Variants in AGBL4 observed in about 807,000 individuals in gnomAD.
AGBL4 encodes the protein cytosolic carboxypeptidase 6.
AGBL4 carries 58 observed loss-of-function variants against 66.4 expected under a neutral mutation model. The observed-to-expected ratio is 0.87, with a 90% CI of 0.71 to 1.09. The LOEUF (loss-of-function observed/expected upper bound fraction) is 1.09, where lower values mean the gene tolerates loss of function less well. AGBL4 is among the 50% of genes least tolerant of loss of function. AGBL4 has a pLI of 0.00. For synonymous variants in AGBL4, 234 were observed against 222.9 expected (o/e 1.05, Z -0.44); for missense variants, 579 against 631.0 (o/e 0.92, Z 0.88).
intron 3 of AGBL4, among the ~76,000 whole-genome samples, chr1:49,275,022 G>A (rs866190704): frequency 3.3e-5 from 5 of 152,170 alleles, no homozygotes; most frequent in African/African-American, 1.2e-4. Context: ...AAAATTATTT[G>A]TGAGTATTCT....
At chr1:48,547,626 G>A (rs1036791196) in intron 11 of AGBL4, among the ~76,000 whole-genome samples, 1 of 152,192 alleles carries the variant, frequency 6.6e-6, no homozygotes, top group Non-Finnish European at 1.5e-5. Context: ...AATTGTTTCT[G>A]AATTTTCAGC....
intron 5 of AGBL4, among the ~76,000 whole-genome samples, chr1:48,951,857 G>T (rs1240689291): frequency 6.6e-6 from 1 of 152,224 alleles, no homozygotes; most frequent in Non-Finnish European, 1.5e-5. Context: ...CTAACAGGAA[G>T]TGTTGAGGAG....
chr1:48,688,151 G>A (rs550096622), intron 6 of AGBL4, among the ~76,000 whole-genome samples: 10 of 152,196 alleles, frequency 6.6e-5, no homozygotes, highest in Non-Finnish European at 1.5e-4. Context: ...GAGGGAGGAA[G>A]AGAAGGAAGG....
chr1:49,938,417 A>T (rs967228459), intron 1 of AGBL4, among the ~76,000 whole-genome samples: 5 of 152,208 alleles, frequency 3.3e-5, no homozygotes, highest in African/African-American at 1.2e-4. Flanking sequence ...TACCAGAGGT[A>T]CAAGGAGGAA....
At position 48,782,419 on chromosome 1, in the gene AGBL4, A is replaced by G. The variant is rs988330311; in HGVS notation, c.634+84772T>C. On this transcript the variant is annotated intron_variant, in intron 6 of 13. Transcript: ENST00000371839. ...TGGGACTTATGTTTCATATTACTAC[A>G]TGGAATTCTCAATGTAGTTTGCAAA... is the stretch of plus-strand genomic sequence containing the variant. Among the ~76,000 whole-genome samples the G allele has an allele frequency of 1.3e-5, 2 of 152,174 alleles. 1 individual carries two copies. The highest frequency in any genetic ancestry group is 4.8e-5 in the African/African-American group (2 of 41,418).
intron 10 of AGBL4, 34 bp downstream of exon 10, chr1:48,590,799 G>A (rs1467873146): frequency 1.8e-5 from 28 of 1,568,206 alleles, no homozygotes; most frequent in Non-Finnish European, 2.4e-5. Context: ...GGTGTGGGGG[G>A]CTGGGGCTGG....
At chr1:49,649,915 G>A (rs1645967895) in intron 3 of AGBL4, among the ~76,000 whole-genome samples, 1 of 151,994 alleles carries the variant, frequency 6.6e-6, no homozygotes, top group Non-Finnish European at 1.5e-5. Context: ...AATATCAAGA[G>A]AATATAAGAA....
At chr1:49,782,151 CAAGA>C (rs1335249907) in intron 2 of AGBL4, among the ~76,000 whole-genome samples, 2 of 151,326 alleles carry the variant, frequency 1.3e-5, no homozygotes, top group Admixed American at 6.6e-5. Flanking sequence ...GCTAGAAAAA[CAAGA>C]AAGAAAGTCA....
intron 6 of AGBL4, among the ~76,000 whole-genome samples, chr1:48,682,019 G>T (rs1646463110): frequency 6.6e-6 from 1 of 152,214 alleles, no homozygotes; most frequent in Non-Finnish European, 1.5e-5. Flanking sequence ...AGGTCATGAG[G>T]CTGGGTCCTA....
At chr1:49,032,126 G>A (rs190801401) in intron 5 of AGBL4, among the ~76,000 whole-genome samples, 2 of 152,172 alleles carry the variant, frequency 1.3e-5, no homozygotes, top group Non-Finnish European at 1.5e-5. Flanking sequence ...ACTGTAAGAA[G>A]GCCAGTGTGG....
At position 48,944,079 on chromosome 1, in the gene AGBL4, G is replaced by A. The variant is rs188668791; in HGVS notation, c.595-76849C>T. 1.1e-3 allele frequency among the ~76,000 whole-genome samples: 171 copies of A among 152,276 alleles called. 1 individual carries two copies. Among genetic ancestry groups the A allele is most frequent in the Middle Eastern group, 6.8e-3 (2 of 294 alleles). On this transcript the variant is annotated intron_variant, in intron 5 of 13. Coordinates refer to ENST00000371839, the MANE Select transcript of AGBL4 (RefSeq NM_032785.4). ...TGTGATAGTCACTGACGAGACAAAA[G>A]TGAATAAGGCACTGGCCTGCCTCAT... is the stretch of plus-strand genomic sequence containing the variant.
chr1:48,740,662 T>G (rs1340836062), intron 6 of AGBL4, among the ~76,000 whole-genome samples: 2 of 152,194 alleles, frequency 1.3e-5, no homozygotes, highest in Non-Finnish European at 2.9e-5. Flanking sequence ...GTGAAAAGTT[T>G]TATAGGACAA....
intron 1 of AGBL4, among the ~76,000 whole-genome samples, chr1:49,904,885 G>A (rs1412386157): frequency 2.0e-5 from 3 of 152,150 alleles, no homozygotes; most frequent in Admixed American, 2.0e-4. Context: ...AAGAGATGAT[G>A]AAATTACAGC....
chr1:49,727,238 G>C (rs973057338), intron 2 of AGBL4, among the ~76,000 whole-genome samples: 6 of 152,070 alleles, frequency 3.9e-5, no homozygotes, highest in Non-Finnish European at 8.8e-5. Flanking sequence ...AAAATTTTTA[G>C]AAATGTCAAG....
intron 1 of AGBL4, among the ~76,000 whole-genome samples, chr1:49,984,753 T>C (rs2148392012): frequency 6.6e-6 from 1 of 152,256 alleles, no homozygotes; most frequent in Admixed American, 6.5e-5. Flanking sequence ...TATAAGATAT[T>C]ACATAATTGA....
intron 5 of AGBL4, among the ~76,000 whole-genome samples, chr1:48,931,315 C>T (rs2148903118): frequency 6.6e-6 from 1 of 152,256 alleles, no homozygotes; most frequent in East Asian, 1.9e-4. Flanking sequence ...CAAATTCTTT[C>T]AGCCATAAAA....
intron 2 of AGBL4, among the ~76,000 whole-genome samples, chr1:49,743,014 C>A (rs189147943): frequency 1.3e-5 from 2 of 152,070 alleles, no homozygotes; most frequent in Non-Finnish European, 2.9e-5. Context: ...GTCTAAAACA[C>A]CAAAAGCAAT....
intron 4 of AGBL4, among the ~76,000 whole-genome samples, chr1:49,139,128 C>CA (rs1646068554): frequency 6.6e-6 from 1 of 152,126 alleles, no homozygotes; most frequent in Non-Finnish European, 1.5e-5. Context: ...ATGATCCAGT[C>CA]ACCTCCTACC....
At chr1:49,545,982 C>T (rs569545826) in intron 3 of AGBL4, among the ~76,000 whole-genome samples, 7 of 152,144 alleles carry the variant, frequency 4.6e-5, no homozygotes, top group Non-Finnish European at 7.4e-5. Flanking sequence ...ACCCATCACC[C>T]GAGCAGTATA....
Sources: gnomAD v4.1 joint callset for allele counts (sites outside exome capture counted in the v4.1 genomes callset) on GRCh38, gnomAD v4.1.1 for gene constraint, MANE v1.5 for transcripts, NCBI Gene and HGNC (gene_info 2026-07-23, HGNC 2026-07-21) for gene names.